Variants in CPA6 observed in about 807,000 individuals in gnomAD.
The protein encoded by CPA6 is carboxypeptidase B.
In CPA6, 58 loss-of-function variants were observed where a neutral mutation model predicts 63.3. The ratio of observed to expected loss-of-function variants is 0.92; its 90% CI spans 0.74 to 1.14. The LOEUF is 1.14. CPA6 is among the 50% of genes most tolerant of loss of function. The probability of loss-of-function intolerance (pLI) is 0.00; values close to 1 mark genes in which losing one functional copy is unlikely to be tolerated. For missense variants in CPA6, 565 were observed against 526.6 expected (o/e 1.07, Z -0.71); for synonymous variants, 185 against 179.0 (o/e 1.03, Z -0.27).
At chr8:67,650,028 C>G (rs1487707916) in intron 1 of CPA6, among the ~76,000 whole-genome samples, 2 of 152,124 alleles carry the variant, frequency 1.3e-5, no homozygotes, top group Non-Finnish European at 1.5e-5. Context: ...TCTCTAAAAC[C>G]TGGATCTGCC....
At chr8:67,508,870 G>A (rs1027343634) in intron 5 of CPA6, among the ~76,000 whole-genome samples, 14 of 152,196 alleles carry the variant, frequency 9.2e-5, no homozygotes, top group Middle Eastern at 3.4e-3. Context: ...TTCTCATGTC[G>A]CTATAAAGAA....
At chr8:67,533,230 C>T (rs1812515766) in intron 2 of CPA6, among the ~76,000 whole-genome samples, 1 of 152,146 alleles carries the variant, frequency 6.6e-6, no homozygotes, top group Non-Finnish European at 1.5e-5. Context: ...CATCATCTGC[C>T]TGGGACAAGG....
At chr8:67,499,768 CT>C (rs1811795008) in intron 6 of CPA6, among the ~76,000 whole-genome samples, 1 of 152,144 alleles carries the variant, frequency 6.6e-6, no homozygotes, top group Non-Finnish European at 1.5e-5. Flanking sequence ...TTAAGATTGG[CT>C]TTTTCATTCA....
chr8:67,725,894 A>G (rs772468414), intron 1 of CPA6, among the ~76,000 whole-genome samples: 4 of 152,158 alleles, frequency 2.6e-5, no homozygotes, highest in Non-Finnish European at 5.9e-5. Flanking sequence ...AATGAGATAA[A>G]ATAAATTTTA....
At chr8:67,639,364 T>A (rs1815538733) in intron 1 of CPA6, among the ~76,000 whole-genome samples, 2 of 151,570 alleles carry the variant, frequency 1.3e-5, no homozygotes, top group Admixed American at 6.6e-5. Context: ...CTGGATCCCA[T>A]GCCTGCCAAG....
intron 2 of CPA6, among the ~76,000 whole-genome samples, chr8:67,601,521 G>A (rs1295036496): frequency 6.6e-6 from 1 of 152,090 alleles, no homozygotes; most frequent in African/African-American, 2.4e-5. Context: ...TGGCTAATGG[G>A]AAATGATCCA....
intron 2 of CPA6, among the ~76,000 whole-genome samples, chr8:67,540,250 A>C (rs1446112976): frequency 6.6e-6 from 1 of 151,496 alleles, no homozygotes; most frequent in African/African-American, 2.4e-5. Flanking sequence ...TTTTTCCCCA[A>C]CAGTCAGGTC....
chr8:67,445,520 C>T (rs1281709007), intron 8 of CPA6, among the ~76,000 whole-genome samples: 1 of 151,686 alleles, frequency 6.6e-6, no homozygotes, highest in African/African-American at 2.4e-5. Flanking sequence ...ATAAAACATA[C>T]CAAAATAATA....
chr8:67,684,723 C>T (rs1816675295), intron 1 of CPA6, among the ~76,000 whole-genome samples: 1 of 152,112 alleles, frequency 6.6e-6, no homozygotes, highest in Non-Finnish European at 1.5e-5. Context: ...GCCCCTGAAC[C>T]TTCTCCTAGG....
intron 1 of CPA6, among the ~76,000 whole-genome samples, chr8:67,672,374 A>G (rs1474701219): frequency 6.6e-6 from 1 of 152,158 alleles, no homozygotes; most frequent in Non-Finnish European, 1.5e-5. Flanking sequence ...GATTGCCATT[A>G]TATTCCTGTG....
intron 1 of CPA6, among the ~76,000 whole-genome samples, chr8:67,740,217 A>G (rs566845789): frequency 6.6e-6 from 1 of 152,362 alleles, no homozygotes; most frequent in East Asian, 1.9e-4. Context: ...ACCCCAGGCC[A>G]GTCCTGGGAA....
chr8:67,461,653 C>A (rs1210598775), intron 8 of CPA6, among the ~76,000 whole-genome samples: 1 of 152,044 alleles, frequency 6.6e-6, no homozygotes, highest in African/African-American at 2.4e-5. Flanking sequence ...CAGAGGTGCC[C>A]CTCACCTCCC....
At chr8:67,709,900 C>T (rs1232695925) in intron 1 of CPA6, among the ~76,000 whole-genome samples, 1 of 151,918 alleles carries the variant, frequency 6.6e-6, no homozygotes, top group Non-Finnish European at 1.5e-5. Flanking sequence ...TACCTGAGGT[C>T]AGGAGTTTGA....
chr8:67,578,739 A>G (rs1179077410), intron 2 of CPA6, among the ~76,000 whole-genome samples: 1 of 152,246 alleles, frequency 6.6e-6, no homozygotes, highest in East Asian at 1.9e-4. Context: ...CATCATTTAC[A>G]TAATAAAAAA....
At chr8:67,489,663 C>G (rs908820811) in intron 6 of CPA6, among the ~76,000 whole-genome samples, 1 of 151,912 alleles carries the variant, frequency 6.6e-6, no homozygotes, top group African/African-American at 2.4e-5. Context: ...TATACATTCT[C>G]TAATTATTGG....
chr8:67,569,172 G>A (rs879614457), intron 2 of CPA6, among the ~76,000 whole-genome samples: 1 of 152,122 alleles, frequency 6.6e-6, no homozygotes, highest in Non-Finnish European at 1.5e-5. Context: ...AGTTCACCAA[G>A]ATATATAATA....
intron 8 of CPA6, 104 bp downstream of exon 8, chr8:67,483,664 A>G (rs1039207454): frequency 1.1e-6 from 1 of 913,774 alleles, no homozygotes; most frequent in Non-Finnish European, 1.9e-6. Flanking sequence ...GTTTTCACAT[A>G]CAGAAAAACA....
rs1229557199 is a variant in CPA6 at position 67,678,227 on chromosome 8, T to TCACA, written c.117-53980_117-53977dup. 6.2e-3 allele frequency among the ~76,000 whole-genome samples: 797 copies of TCACA among 127,658 alleles called. 6 individuals carry two copies. Among genetic ancestry groups the TCACA allele is most frequent in the East Asian group, 0.015 (58 of 3,862 alleles). The allele number at this position is 127,658 out of a possible 152,430, so 83.7% of individuals were successfully genotyped here. A position where few individuals can be genotyped will look rare whatever the true frequency, so the allele number is the denominator to read the frequency against. ...TGGGAGATAATTGTAAAACTCTGTC[T>TCACA]CACACACACACACACACACACACAC... On this transcript the variant is annotated intron_variant, in intron 1 of 10. Transcript: ENST00000297770.
At chr8:67,466,037 T>G (rs1333819100) in intron 8 of CPA6, among the ~76,000 whole-genome samples, 2 of 151,798 alleles carry the variant, frequency 1.3e-5, no homozygotes, top group Non-Finnish European at 2.9e-5. Flanking sequence ...TGGTACCAGC[T>G]CTTCTTCTGG....
Sources: allele counts gnomAD v4.1 joint callset (sites outside exome capture counted in the v4.1 genomes callset), GRCh38; gene constraint gnomAD v4.1.1; transcripts MANE v1.5; gene names NCBI Gene and HGNC (gene_info 2026-07-23, HGNC 2026-07-21).